Variants in LTBP1 observed in about 807,000 individuals in gnomAD.
LTBP1 encodes latent-transforming growth factor beta-binding protein 1.
A neutral mutation model predicts 207.6 loss-of-function variants in LTBP1; 129 were observed. That is an observed-to-expected ratio of 0.62 (90% confidence interval 0.54 to 0.72). LTBP1 has a LOEUF of 0.72. Ranked by LOEUF, LTBP1 falls within the 30% of genes least tolerant of loss-of-function variation. LTBP1 has a pLI of 0.00. For synonymous variants in LTBP1, 963 were observed against 833.7 expected, an observed-to-expected ratio of 1.16 and a Z score of -2.67; for missense variants, 2,281 against 2,217.2, an observed-to-expected ratio of 1.03 and a Z score of -0.58.
At position 33,110,581 on chromosome 2, in the gene LTBP1, G is replaced by A; in HGVS notation, c.864-1G>A. 1 of 1,612,100 alleles carries A rather than the reference G, an allele frequency of 6.2e-7. No individual in the cohort carries two copies. Among genetic ancestry groups the A allele is most frequent in the Non-Finnish European group, 8.5e-7 (1 of 1,178,876 alleles). On this transcript the variant is annotated splice_acceptor_variant, in intron 3 of 33. Transcript: ENST00000404816. LOFTEE classifies it high-confidence loss of function. ...CTTCTCTTTATTTTGTTTCTTCCCA[G>A]AGTGACTCCTCTTTCTTCCCAGAGT...
chr2:33,310,193 C>G (rs908455343), intron 23 of LTBP1, among the ~76,000 whole-genome samples: 3 of 152,100 alleles, frequency 2.0e-5, no homozygotes, highest in Admixed American at 6.5e-5. Flanking sequence ...GTGATCCACC[C>G]GCTTTGGCCT....
At chr2:33,375,235 C>T (rs1245577033) in intron 31 of LTBP1, among the ~76,000 whole-genome samples, 1 of 152,112 alleles carries the variant, frequency 6.6e-6, no homozygotes, top group East Asian at 1.9e-4. Flanking sequence ...AGTAAATGCG[C>T]CATAGCGAAA....
chr2:33,097,294 A>G (rs2079450615), intron 3 of LTBP1, among the ~76,000 whole-genome samples: 1 of 152,232 alleles, frequency 6.6e-6, no homozygotes, highest in African/African-American at 2.4e-5. Flanking sequence ...CATCCTAAAA[A>G]TAGTTCAAGT....
chr2:33,018,934 C>G (rs576145465), intron 2 of LTBP1, among the ~76,000 whole-genome samples: 1 of 152,008 alleles, frequency 6.6e-6, no homozygotes, highest in African/African-American at 2.4e-5. Context: ...TATTCTGACA[C>G]CCAAGGGCCA....
intron 23 of LTBP1, 141 bp from the exon 24 acceptor site, chr2:33,315,003 G>C: frequency 1.5e-6 from 1 of 663,760 alleles, no homozygotes; most frequent in Non-Finnish European, 2.4e-6. Context: ...TCCTGTGGTT[G>C]ATTTATGGAC....
At chr2:33,059,629 G>T (rs184599675) in intron 3 of LTBP1, among the ~76,000 whole-genome samples, 1 of 152,292 alleles carries the variant, frequency 6.6e-6, no homozygotes, top group Non-Finnish European at 1.5e-5. Flanking sequence ...GCCTGAAGAG[G>T]TGGAAATACA....
chr2:33,096,072 T>A (rs536558925), intron 3 of LTBP1, among the ~76,000 whole-genome samples: 1 of 152,166 alleles, frequency 6.6e-6, no homozygotes, highest in African/African-American at 2.4e-5. Context: ...AAACCACACC[T>A]GGGCACTGCA....
chr2:33,259,605 G>C lies in LTBP1; in HGVS notation c.2413G>C (p.Glu805Gln), dbSNP rs1558902058. 1 of 1,602,270 alleles carries C rather than the reference G, an allele frequency of 6.2e-7. No homozygotes were observed. The highest frequency in any genetic ancestry group is 1.7e-5 in the Admixed American group (1 of 58,962). The change falls in exon 13 of 34, where the codon GAA becomes CAA. Residue 805 changes from glutamate (E) to glutamine (Q), a missense_variant. Around this residue, in one of 3 missense-constraint regions of LTBP1, gnomAD observed 1,671 missense variants for 1,634.8 expected, o/e 1.02. Transcript: ENST00000404816. ...GGTTTTAGTGGCAACTGCACCCCCT[G>C]AAAAGGTAATTTATTCATTGCTTGC... is the stretch of plus-strand genomic sequence containing the variant. ...AEPEVATAPP[E>Q]KEIPSLDQEK...
At chr2:32,951,969 T>C (rs990025948) in intron 2 of LTBP1, among the ~76,000 whole-genome samples, 1 of 152,220 alleles carries the variant, frequency 6.6e-6, no homozygotes, top group African/African-American at 2.4e-5. Context: ...AAAATATGCA[T>C]GGACATTTAA....
Position 33,326,211 on chromosome 2 carries a change from T to C in LTBP1, c.3730+10942T>C, listed in dbSNP as rs540939700. ...TATAATATCAAGGTTTTATTATAAT[T>C]GAACAAACATCTGGCACACACAATG... On this transcript the variant is annotated intron_variant, in intron 24 of 33. Coordinates refer to ENST00000404816, the MANE Select transcript of LTBP1 (RefSeq NM_206943.4). Among the ~76,000 whole-genome samples, 107 of 152,320 alleles carry C rather than the reference T, an allele frequency of 7.0e-4. 2 individuals carry two copies. The highest frequency in any genetic ancestry group is 1.2e-3 in the Non-Finnish European group (83 of 68,036).
chr2:33,254,443 A>G (rs2092771437), intron 11 of LTBP1, among the ~76,000 whole-genome samples: 1 of 151,898 alleles, frequency 6.6e-6, no homozygotes, highest in Non-Finnish European at 1.5e-5. Flanking sequence ...CTCTAGTACT[A>G]TCAATAAATT....
chr2:33,134,544 GT>G lies in LTBP1; in HGVS notation c.1034-245del. The G allele has an allele frequency of 2.6e-6, 4 of 1,519,134 alleles. No individual in the cohort carries two copies. Among genetic ancestry groups the G allele is most frequent in the Non-Finnish European group, 3.5e-6 (4 of 1,127,176 alleles). 94.1% of individuals were successfully genotyped at this position (1,519,134 alleles called of 1,614,324 possible). A position where few individuals can be genotyped will look rare whatever the true frequency, so the allele number is the denominator to read the frequency against. ...CTCCAGTGACTCGACTTCAAATGTG[GT>G]TTTGGAGTGCATCCCAGAGTTCTGT... On this transcript the variant is annotated intron_variant, in intron 4 of 33. Transcript: ENST00000404816. This position sits in a 1 kb window ranked among gnomAD's most constrained non-coding sequence, Gnocchi z 4.4.
intron 32 of LTBP1, among the ~76,000 whole-genome samples, chr2:33,396,706 G>A (rs904379898): frequency 2.0e-5 from 3 of 152,150 alleles, no homozygotes; most frequent in African/African-American, 4.8e-5. Context: ...AAAACGTATT[G>A]CCTCACACTC....
intron 19 of LTBP1, among the ~76,000 whole-genome samples, chr2:33,287,166 A>G (rs2148714172): frequency 6.6e-6 from 1 of 152,360 alleles, no homozygotes; most frequent in South Asian, 2.1e-4. Flanking sequence ...ATTAATTATT[A>G]TAACAAAATC....
At chr2:33,304,427 G>C (rs529691441) in intron 22 of LTBP1, among the ~76,000 whole-genome samples, 1 of 152,160 alleles carries the variant, frequency 6.6e-6, no homozygotes, top group Admixed American at 6.5e-5. Context: ...ATGTTTACAC[G>C]TGTAATTTTC....
intron 19 of LTBP1, among the ~76,000 whole-genome samples, chr2:33,290,586 G>C (rs2093754794): frequency 6.6e-6 from 1 of 152,200 alleles, no homozygotes; most frequent in South Asian, 2.1e-4. Context: ...CAAATTAAAA[G>C]ACTGTGGCAG....
Position 33,350,178 on chromosome 2 carries a change from G to A in LTBP1, c.4000+2668G>A, listed in dbSNP as rs141025806. Among the ~76,000 whole-genome samples, 961 of 152,240 alleles carry A rather than the reference G, an allele frequency of 6.3e-3. 8 individuals carry two copies. The highest frequency in any genetic ancestry group is 0.035 in the South Asian group (170 of 4,812). ...ATATACTGAAGCTGAGAGCTCATCCGTCCTGAAAAGTACTTAGGAAGGGAA... is the reference window on the plus strand; with the variant it reads ...ATATACTGAAGCTGAGAGCTCATCCATCCTGAAAAGTACTTAGGAAGGGAA... On this transcript the variant is annotated intron_variant, in intron 26 of 33. Coordinates refer to ENST00000404816, the MANE Select transcript of LTBP1 (RefSeq NM_206943.4).
chr2:33,185,788 A>G (rs2087130963), intron 5 of LTBP1, among the ~76,000 whole-genome samples: 1 of 151,376 alleles, frequency 6.6e-6, no homozygotes, highest in African/African-American at 2.4e-5. Context: ...AACCGGCCCA[A>G]GATAGATTGT....
At chr2:33,251,790 G>T (rs1333792028) in intron 10 of LTBP1, among the ~76,000 whole-genome samples, 1 of 151,702 alleles carries the variant, frequency 6.6e-6, no homozygotes, top group African/African-American at 2.4e-5. Context: ...ATGGGCGGCG[G>T]GGGGACACCA....
Sources: gnomAD v4.1 joint callset for allele counts (sites outside exome capture counted in the v4.1 genomes callset) on GRCh38, gnomAD v4.1.1 for gene constraint, gnomAD v4.1.1 regional missense constraint, Gnocchi (gnomAD v3.1) non-coding constraint, MANE v1.5 for transcripts, NCBI Gene and HGNC (gene_info 2026-07-23, HGNC 2026-07-21) for gene names.